The following PCDHGA3 variants were observed in gnomAD, a reference collection of about 807,000 sequenced individuals.
PCDHGA3 encodes protocadherin gamma subfamily A, 3.
In PCDHGA3, 40 loss-of-function variants were observed where a neutral mutation model predicts 58.5. The ratio of observed to expected loss-of-function variants is 0.68; its 90% CI spans 0.53 to 0.89. The LOEUF is 0.89. Among genes scored for constraint, PCDHGA3 ranks in the 40% least tolerant of loss-of-function variants. The pLI, the probability that PCDHGA3 is intolerant of heterozygous loss-of-function variation, is 0.00. For synonymous variants in PCDHGA3, 530 were observed against 525.7 expected (o/e 1.01, Z -0.11); for missense variants, 1,223 against 1,195.9 (o/e 1.02, Z -0.33).
intron 1 of PCDHGA3, among the ~76,000 whole-genome samples, chr5:141,433,395 CTATCTA>C (rs1561869588): frequency 2.0e-5 from 3 of 150,654 alleles, no homozygotes; most frequent in African/African-American, 7.3e-5. Flanking sequence ...ATCTATCTAT[CTATCTA>C]TCTATTACTT....
chr5:141,470,778 C>A (rs1047167697), intron 1 of PCDHGA3, among the ~76,000 whole-genome samples: 1 of 152,132 alleles, frequency 6.6e-6, no homozygotes, highest in African/African-American at 2.4e-5. Context: ...GTCTTGAATT[C>A]CTGGGCTCAA....
At chr5:141,366,749 C>T in intron 1 of PCDHGA3, 1 of 1,609,608 alleles carries the variant, frequency 6.2e-7, no homozygotes, top group Admixed American at 1.7e-5. Flanking sequence ...ACGGCGAGTT[C>T]AGGTTAGTTT....
At chr5:141,413,329 A>G (rs762420040) in intron 1 of PCDHGA3, 1 of 1,613,966 alleles carries the variant, frequency 6.2e-7, no homozygotes, top group Non-Finnish European at 8.5e-7. Context: ...CGTGGGCAAC[A>G]TCTCCAAGGA....
At chr5:141,399,192 C>T (rs1561668217) in intron 1 of PCDHGA3, 1 of 1,613,846 alleles carries the variant, frequency 6.2e-7, no homozygotes, top group Non-Finnish European at 8.5e-7. Flanking sequence ...TTCTGGAAAA[C>T]GCGGTGCCTG....
At chr5:141,424,982 G>T (rs2096852076) in intron 1 of PCDHGA3, among the ~76,000 whole-genome samples, 1 of 152,106 alleles carries the variant, frequency 6.6e-6, no homozygotes, top group South Asian at 2.1e-4. Context: ...GGATATTTAT[G>T]TTCCCTTTCA....
intron 1 of PCDHGA3, chr5:141,365,140 T>A (rs1248275152): frequency 6.2e-7 from 1 of 1,613,764 alleles, no homozygotes; most frequent in African/African-American, 1.3e-5. Flanking sequence ...CGGATCCAGA[T>A]GAGGGAATAA....
At position 141,421,474 on chromosome 5, in the gene PCDHGA3, G is replaced by C. The variant is rs1320526226; in HGVS notation, c.2425-73333G>C. 4 of 1,614,132 alleles carry C rather than the reference G, an allele frequency of 2.5e-6. No homozygotes were observed. The African/African-American group carries it at 5.3e-5, about 21-fold the overall frequency. On this transcript the variant is annotated intron_variant, in intron 1 of 3. Coordinates refer to ENST00000253812, the MANE Select transcript of PCDHGA3 (RefSeq NM_018916.4). ...GCTTTTCGCTGTGAATCCGCGAAGCGGCAGCTTGATCACGGCAGGCAGGAT... is the reference window on the plus strand; with the variant it reads ...GCTTTTCGCTGTGAATCCGCGAAGCCGCAGCTTGATCACGGCAGGCAGGAT...
chr5:141,371,682 C>G, intron 1 of PCDHGA3: 4 of 1,614,036 alleles, frequency 2.5e-6, no homozygotes, highest in Non-Finnish European at 2.5e-6. Flanking sequence ...CAAAGGCAAT[C>G]CACCGCTCTC....
At chr5:141,422,187 T>A in intron 1 of PCDHGA3, 1 of 1,561,762 alleles carries the variant, frequency 6.4e-7, no homozygotes, top group South Asian at 1.2e-5. Context: ...AGATGGAAAT[T>A]CAAGGCCAAG....
intron 2 of PCDHGA3, among the ~76,000 whole-genome samples, chr5:141,503,800 C>T (rs756250566): frequency 1.3e-5 from 2 of 151,994 alleles, no homozygotes; most frequent in South Asian, 2.1e-4. Flanking sequence ...TACTTAGGGA[C>T]GGGGAATCCC....
intron 2 of PCDHGA3, among the ~76,000 whole-genome samples, chr5:141,501,290 T>TACACATACAC (rs1224133816): frequency 4.6e-4 from 62 of 136,246 alleles, no homozygotes; most frequent in Admixed American, 7.0e-4. Flanking sequence ...TATTCCCTTA[T>TACACATACAC]ACACACACAC....
chr5:141,399,627 CG>C (rs2093851448), intron 1 of PCDHGA3: 1 of 1,613,906 alleles, frequency 6.2e-7, no homozygotes, highest in Non-Finnish European at 8.5e-7. Context: ...TGGCCTCTTA[CG>C]TGTCCATGAG....
chr5:141,352,091 G>A (rs767662571), intron 1 of PCDHGA3: 3 of 1,605,050 alleles, frequency 1.9e-6, no homozygotes, highest in Admixed American at 1.7e-5. Context: ...CAGCGAGCCC[G>A]GGCTCTTCAG....
At chr5:141,382,959 G>A (rs994078805) in intron 1 of PCDHGA3, 3 of 1,607,324 alleles carry the variant, frequency 1.9e-6, no homozygotes, top group African/African-American at 1.3e-5. Flanking sequence ...CCATCCTCCT[G>A]GGGACCCCCT....
In PCDHGA3 at chr5:141,485,770, T is replaced by A. The variant is rs1199757869; in HGVS notation, c.2425-9037T>A. The A allele has an allele frequency of 6.2e-7, 1 of 1,614,180 alleles. No homozygotes were observed. The highest frequency in any genetic ancestry group is 1.1e-5 in the South Asian group (1 of 91,080). On this transcript the variant is annotated intron_variant, in intron 1 of 3. Transcript: ENST00000253812. This position sits in a 1 kb window ranked among gnomAD's most constrained non-coding sequence, Gnocchi z 5.7. ...TCCCAGAGCTGCTCCTGGAGAAGCC[T>A]TTGGATCGAGAGAAGCAATCGGACT... is the stretch of plus-strand genomic sequence containing the variant.
At position 141,490,516 on chromosome 5, in the gene PCDHGA3, G is replaced by T. The variant is rs768123119; in HGVS notation, c.2425-4291G>T. The T allele has an allele frequency of 6.2e-7, 1 of 1,613,828 alleles. No individual in the cohort carries two copies. The highest frequency in any genetic ancestry group is 2.2e-5 in the East Asian group (1 of 44,864). On this transcript the variant is annotated intron_variant, in intron 1 of 3. Transcript: ENST00000253812. This position sits in a 1 kb window ranked among gnomAD's most constrained non-coding sequence, Gnocchi z 5.4. ...ATCCCACTATATCATCGAGCTGCTG[G>T]CCAGCGATGCTGGTTCACCTTCCCT... is the stretch of plus-strand genomic sequence containing the variant.
In PCDHGA3 at chr5:141,512,903, C is replaced by G. The variant is rs2099884492; in HGVS notation, c.*1730C>G. On this transcript the variant is annotated 3_prime_UTR_variant, in exon 4 of 4. Coordinates refer to ENST00000253812, the MANE Select transcript of PCDHGA3 (RefSeq NM_018916.4). ...CCCCACCCTCTTCCTGTGTCTCACG[C>G]AAGTTTTATACTCTAATATTTATAT... 6.6e-6 allele frequency: 1 copy of G among 152,224 alleles called. No homozygotes were observed. Among genetic ancestry groups the G allele is most frequent in the African/African-American group, 2.4e-5 (1 of 41,452 alleles). 9.4% of individuals were successfully genotyped at this position (152,224 alleles called of 1,614,324 possible).
At position 141,491,942 on chromosome 5, in the gene PCDHGA3, C is replaced by T. The variant is rs932715298; in HGVS notation, c.2425-2865C>T. 6.4e-5 allele frequency: 72 copies of T among 1,122,376 alleles called. No individual in the cohort carries two copies. Among genetic ancestry groups the T allele is most frequent in the Admixed American group, 3.5e-5 (1 of 28,738 alleles). 69.5% of individuals were successfully genotyped at this position (1,122,376 alleles called of 1,614,324 possible). A position where few individuals can be genotyped will look rare whatever the true frequency, so the allele number is the denominator to read the frequency against. ...GGCGAGGGGAGGTGGGACCGACCCC[C>T]ACCCCTACACTCAAAAAAGGCCGGG... is the stretch of plus-strand genomic sequence containing the variant. On this transcript the variant is annotated intron_variant, in intron 1 of 3. Transcript: ENST00000253812. The surrounding 1 kb of genome is among the most constrained non-coding windows in gnomAD (Gnocchi z 6.9).
chr5:141,394,239 G>T (rs530540432), intron 1 of PCDHGA3: 1 of 1,613,750 alleles, frequency 6.2e-7, no homozygotes, highest in Non-Finnish European at 8.5e-7. Flanking sequence ...TTCCTTGACT[G>T]CACACGACCC....
Sources: gnomAD v4.1 joint callset for allele counts (sites outside exome capture counted in the v4.1 genomes callset) on GRCh38, gnomAD v4.1.1 for gene constraint, Gnocchi (gnomAD v3.1) non-coding constraint, MANE v1.5 for transcripts, NCBI Gene and HGNC (gene_info 2026-07-23, HGNC 2026-07-21) for gene names.